CRTAM: variants seen among roughly 807,000 people sequenced by gnomAD.
CRTAM encodes cytotoxic and regulatory T cell molecule, also known as cytotoxic and regulatory T-cell molecule.
Under a neutral mutation model 50.0 loss-of-function variants are expected in CRTAM, and 44 were observed. The observed-to-expected ratio is 0.88, with a 90% CI of 0.69 to 1.13. The LOEUF (loss-of-function observed/expected upper bound fraction) is 1.13, where lower values mean the gene tolerates loss of function less well. Among genes scored for constraint, CRTAM ranks in the 50% most tolerant of loss-of-function variants. The probability of loss-of-function intolerance (pLI) is 0.00; values close to 1 mark genes in which losing one functional copy is unlikely to be tolerated. For missense variants in CRTAM, 448 were observed against 457.5 expected (o/e 0.98, Z 0.19); for synonymous variants, 159 against 169.3 (o/e 0.94, Z 0.47).
intron 3 of CRTAM, 143 bp from the exon 4 acceptor site, chr11:122,853,800 G>T: frequency 1.5e-6 from 1 of 677,120 alleles, no homozygotes; most frequent in Non-Finnish European, 2.2e-6. Flanking sequence ...CCTGGGCGAC[G>T]GAGACTAAGT....
At position 122,867,553 on chromosome 11, in the gene CRTAM, A is replaced by G. The variant is rs2272094; in HGVS notation, c.962A>G (p.Lys321Arg). ...AGGAAAGCACATGTGATATGGAAGA[A>G]AGGTCAGTGGGCAGGGAACCTGACG... Reference protein sequence around the residue: ...KLRKAHVIWKKENEVSEHTLE... With the variant: ...KLRKAHVIWKRENEVSEHTLE... Residue 321 changes from lysine to arginine, a missense_variant and splice_region_variant, in exon 8 of 10, where the codon AAA becomes AGA. Physicochemically the swap from Lys to Arg is conservative, Grantham distance 26 (BLOSUM62 2). Transcript: ENST00000227348. 0.7 allele frequency: 1,122,437 copies of G among 1,612,130 alleles called. 396,566 individuals carry two copies. The highest frequency in any genetic ancestry group is 0.79 in the Middle Eastern group (4,776 of 6,048).
intron 1 of CRTAM, among the ~76,000 whole-genome samples, chr11:122,845,646 G>A (rs1209507722): frequency 1.3e-5 from 2 of 152,128 alleles, no homozygotes; most frequent in African/African-American, 2.4e-5. Flanking sequence ...GGTGGAGGTT[G>A]CAGTGAGCTG....
Position 122,871,528 on chromosome 11 carries a change from TC to T in CRTAM, c.*130del, listed in dbSNP as rs1862253814. Reference sequence around the variant, plus strand: ...CTTAGTGCAATGCAAGATGGTGTCCTCGGATAATGATCTGCCCCGGAGCTAG... The same window carrying T: ...CTTAGTGCAATGCAAGATGGTGTCCTGGATAATGATCTGCCCCGGAGCTAG... On this transcript the variant is annotated 3_prime_UTR_variant, in exon 10 of 10. Transcript: ENST00000227348. 2 of 686,302 alleles carry T rather than the reference TC, an allele frequency of 2.9e-6. No homozygotes were observed. The highest frequency in any genetic ancestry group is 4.6e-6 in the Non-Finnish European group (2 of 437,632). 42.5% of individuals were successfully genotyped at this position (686,302 alleles called of 1,614,324 possible).
Position 122,854,101 on chromosome 11 carries a change from G to C in CRTAM, c.490+15G>C, listed in dbSNP as rs1861972661. 3 of 1,605,076 alleles carry C rather than the reference G, an allele frequency of 1.9e-6. No individual in the cohort carries two copies. The highest frequency in any genetic ancestry group is 2.2e-5 in the East Asian group (1 of 44,612). Reference sequence around the variant, plus strand: ...GGAAGTGTCCGGTAAGGGGAGAAATGGTTCTCTTTGTCTTCCTTCCTACTC... The same window carrying C: ...GGAAGTGTCCGGTAAGGGGAGAAATCGTTCTCTTTGTCTTCCTTCCTACTC... On this transcript the variant is annotated intron_variant, in intron 4 of 9. Transcript: ENST00000227348.
In CRTAM at chr11:122,871,415, A is replaced by C; in HGVS notation, c.*16A>C. On this transcript the variant is annotated 3_prime_UTR_variant, in exon 10 of 10. Transcript: ENST00000227348. ...TATTGTGTAGTGCTCTCTGCAATGGAACATGTGATTTCAGGGTTGCCGCAG... is the reference window on the plus strand; with the variant it reads ...TATTGTGTAGTGCTCTCTGCAATGGCACATGTGATTTCAGGGTTGCCGCAG... The C allele has an allele frequency of 6.2e-7, 1 of 1,602,626 alleles. No homozygotes were observed. Among genetic ancestry groups the C allele is most frequent in the Non-Finnish European group, 8.5e-7 (1 of 1,174,298 alleles).
intron 1 of CRTAM, among the ~76,000 whole-genome samples, chr11:122,839,156 TCTC>T (rs1317538905): frequency 6.6e-6 from 1 of 152,080 alleles, no homozygotes; most frequent in Non-Finnish European, 1.5e-5. Flanking sequence ...ATGGTCTCAA[TCTC>T]CTGACCTCGT....
chr11:122,852,534 T>C (rs896722358), intron 3 of CRTAM, among the ~76,000 whole-genome samples: 1 of 152,204 alleles, frequency 6.6e-6, no homozygotes, highest in African/African-American at 2.4e-5. Flanking sequence ...ATCACACAAA[T>C]GAATGTCTTA....
chr11:122,861,122 C>T (rs969437565), intron 5 of CRTAM, among the ~76,000 whole-genome samples: 36 of 152,188 alleles, frequency 2.4e-4, no homozygotes, highest in African/African-American at 8.7e-4. Flanking sequence ...GGTCAGAGTT[C>T]ATTTTAGCCT....
At chr11:122,863,323 A>AAG (rs1339132523) in intron 6 of CRTAM, among the ~76,000 whole-genome samples, 3 of 63,622 alleles carry the variant, frequency 4.7e-5, no homozygotes, top group African/African-American at 1.8e-4. Flanking sequence ...AAGAAAGAAA[A>AAG]AGAAAGAAAG....
chr11:122,865,135 C>G (rs965995028), intron 7 of CRTAM, among the ~76,000 whole-genome samples: 1 of 151,916 alleles, frequency 6.6e-6, no homozygotes, highest in African/African-American at 2.4e-5. Context: ...CTCCCGGGTT[C>G]AAGTGATTCT....
intron 1 of CRTAM, among the ~76,000 whole-genome samples, chr11:122,848,017 A>C (rs1029581265): frequency 2.0e-5 from 3 of 152,234 alleles, no homozygotes; most frequent in African/African-American, 7.2e-5. Context: ...GAGCAGCCAC[A>C]GGGCTCTGGA....
chr11:122,841,878 A>C (rs3107634), intron 1 of CRTAM, among the ~76,000 whole-genome samples: 116,770 of 152,080 alleles, frequency 0.77, 45,634 homozygotes, highest in African/African-American at 0.92. Flanking sequence ...ATATCTCAAG[A>C]CTTTGGGAAA....
Position 122,861,922 on chromosome 11 carries a change from G to A in CRTAM, c.653-542G>A, listed in dbSNP as rs1433570557. Among the ~76,000 whole-genome samples, 3 of 152,118 alleles carry A rather than the reference G, an allele frequency of 2.0e-5. No individual in the cohort carries two copies. The East Asian group carries it at 5.8e-4, about 29-fold the overall frequency. ...TAGCACTGTGCTTCATAAATAGCTA[G>A]GCATTGTACTAAACATGTTATATAA... On this transcript the variant is annotated intron_variant, in intron 5 of 9. Coordinates refer to ENST00000227348, the MANE Select transcript of CRTAM (RefSeq NM_019604.4).
intron 9 of CRTAM, among the ~76,000 whole-genome samples, 172 bp from the exon 10 acceptor site, chr11:122,871,097 A>C (rs1315050225): frequency 6.6e-6 from 1 of 152,144 alleles, no homozygotes; most frequent in African/African-American, 2.4e-5. Context: ...ACCACGAAAA[A>C]CAAAAAAGAA....
rs3107607 is a variant in CRTAM, at chr11:122,872,114, A to G, written c.*715A>G. The G allele has an allele frequency of 0.93, 141,150 of 152,124 alleles. 65,707 individuals are homozygous for G. The highest frequency in any genetic ancestry group is 0.99 in the Middle Eastern group (290 of 294). The allele number at this position is 152,124 out of a possible 1,614,324, so 9.4% of individuals were successfully genotyped here. A position where few individuals can be genotyped will look rare whatever the true frequency, so the allele number is the denominator to read the frequency against. On this transcript the variant is annotated 3_prime_UTR_variant, in exon 10 of 10. Transcript: ENST00000227348. The stretch of plus-strand genomic sequence containing the variant: ...CTCACCACTGCACTCCAGCCTGGGC[A>G]ACAGAGGGAGACTCTGTCTCAAAAA...
chr11:122,868,013 A>G lies in CRTAM; in HGVS notation c.965A>G (p.Glu322Gly). The G allele has an allele frequency of 6.3e-7, 1 of 1,597,940 alleles. No homozygotes were observed. The highest frequency in any genetic ancestry group is 8.6e-7 in the Non-Finnish European group (1 of 1,168,880). The change falls in exon 9 of 10, where the codon GAA (glutamate) becomes GGA (glycine). Residue 322 changes from glutamate to glycine, a missense_variant and splice_region_variant. Transcript: ENST00000227348. ...GTTGCTTGATTTTCTTTTTTTGTAG[A>G]AAACGAAGTTTCAGAACACACACTA... ...LRKAHVIWKK[E>G]NEVSEHTLES...
intron 5 of CRTAM, 58 bp downstream of exon 5, chr11:122,855,914 T>C (rs1565290337): frequency 6.3e-6 from 9 of 1,421,858 alleles, no homozygotes; most frequent in Non-Finnish European, 8.8e-6. Flanking sequence ...TATTACACTA[T>C]CAAACAAAAT....
rs372324493 is a variant in CRTAM at position 122,851,648 on chromosome 11, A to G, written c.194-45A>G. The G allele has an allele frequency of 1.9e-6, 3 of 1,597,528 alleles. No homozygotes were observed. The African/African-American group carries it at 4.0e-5, about 21-fold the overall frequency. On this transcript the variant is annotated intron_variant, in intron 2 of 9. Coordinates refer to ENST00000227348, the MANE Select transcript of CRTAM (RefSeq NM_019604.4). Reference sequence around the variant, plus strand: ...TCTACTGGGTAGAGGCCAACGATTCATCGGATATCTTTCCTCATAACAGCT... The same window carrying G: ...TCTACTGGGTAGAGGCCAACGATTCGTCGGATATCTTTCCTCATAACAGCT...
At chr11:122,844,104 A>G (rs1174415909) in intron 1 of CRTAM, among the ~76,000 whole-genome samples, 1 of 152,252 alleles carries the variant, frequency 6.6e-6, no homozygotes, top group Non-Finnish European at 1.5e-5. Flanking sequence ...CAGTGTGGTC[A>G]ATCTGGTTAG....
Sources: allele counts gnomAD v4.1 joint callset (sites outside exome capture counted in the v4.1 genomes callset), GRCh38; gene constraint gnomAD v4.1.1; transcripts MANE v1.5; gene names NCBI Gene and HGNC (gene_info 2026-07-23, HGNC 2026-07-21).